The following CDH23 variants were observed in gnomAD, a reference collection of about 807,000 sequenced individuals.
CDH23 encodes the protein cadherin related 23, also known as cadherin-23.
CDH23 carries 189 observed loss-of-function variants against 317.1 expected under a neutral mutation model. The observed-to-expected ratio is 0.60, with a 90% CI of 0.53 to 0.67. The LOEUF (loss-of-function observed/expected upper bound fraction) is 0.67, where lower values mean the gene tolerates loss of function less well. Ranked by LOEUF, CDH23 falls within the 30% of genes least tolerant of loss-of-function variation. The pLI is 0.00. For synonymous variants in CDH23, 1,839 were observed against 1,876.8 expected (o/e 0.98, Z 0.52); for missense variants, 4,401 against 4,592.4 (o/e 0.96, Z 1.20).
At chr10:71,607,644 T>C (rs1025527780) in intron 9 of CDH23, among the ~76,000 whole-genome samples, 1 of 152,234 alleles carries the variant, frequency 6.6e-6, no homozygotes, top group African/African-American at 2.4e-5. Flanking sequence ...GGCTCACGCC[T>C]GTAATCCCAG....
chr10:71,533,760 G>A (rs1278947324), intron 6 of CDH23, among the ~76,000 whole-genome samples: 2 of 152,106 alleles, frequency 1.3e-5, no homozygotes, highest in African/African-American at 4.8e-5. Flanking sequence ...GCTTTTGGGA[G>A]GGGTCTCTGG....
chr10:71,689,197 C>T (rs1056837561), intron 19 of CDH23, among the ~76,000 whole-genome samples: 4,312 of 90,964 alleles, frequency 0.047, 780 homozygotes, highest in African/African-American at 0.083. Flanking sequence ...GGTGGTGGAG[C>T]CAGGGTTGGT....
chr10:71,793,232 G>T lies in CDH23; in HGVS notation c.6304G>T (p.Gly2102Trp), dbSNP rs1018523742. 5 of 1,613,780 alleles carry T rather than the reference G, an allele frequency of 3.1e-6. No homozygotes were observed. The highest frequency in any genetic ancestry group is 4.2e-6 in the Non-Finnish European group (5 of 1,179,838). ...TATDEDSGLN[G>W]ELVYRIEAGA... is the part of the protein sequence containing the mutation. ...CACAGATGAGGACAGTGGCCTCAAT[G>T]GGGAGCTGGTCTACCGAATAGAAGC... The change falls in exon 48 of 70, where the codon GGG (glycine) becomes TGG (tryptophan). Residue 2102 changes from glycine (G) to tryptophan (W), a missense_variant. By Grantham distance (184) the Gly-to-Trp change is radical. Around this residue, in one of 3 missense-constraint regions of CDH23, gnomAD observed 3,068 missense variants for 3,203.3 expected, o/e 0.96. Transcript: ENST00000224721.
chr10:71,739,737 C>A lies in CDH23; in HGVS notation c.4453C>A (p.Leu1485Met). ...TGGCGAAGTGTTTGTGGCCAGGCCC[C>A]TGGACAGAGAAGAGCTGGATCACTA... ...SIGEVFVARP[L>M]DREELDHYIL... Residue 1485 changes from leucine (L) to methionine (M), a missense_variant, in exon 36 of 70, where the codon CTG becomes ATG. Leu to Met is a conservative substitution (Grantham distance 15). Around this residue, in one of 3 missense-constraint regions of CDH23, gnomAD observed 3,068 missense variants for 3,203.3 expected, o/e 0.96. Coordinates refer to ENST00000224721, the MANE Select transcript of CDH23 (RefSeq NM_022124.6). 1 of 1,613,218 alleles carries A rather than the reference C, an allele frequency of 6.2e-7. No homozygotes were observed. Among genetic ancestry groups the A allele is most frequent in the Non-Finnish European group, 8.5e-7 (1 of 1,179,652 alleles).
intron 28 of CDH23, among the ~76,000 whole-genome samples, chr10:71,721,721 C>T (rs766921460): frequency 5.9e-5 from 9 of 152,220 alleles, no homozygotes; most frequent in African/African-American, 1.7e-4. Flanking sequence ...ACAGGCTCCT[C>T]GCTCTGCCTT....
chr10:71,587,518 G>A (rs1859162260), intron 9 of CDH23, among the ~76,000 whole-genome samples: 1 of 152,224 alleles, frequency 6.6e-6, no homozygotes, highest in Non-Finnish European at 1.5e-5. Flanking sequence ...CAAAGAGAGT[G>A]TTTCCCCGCT....
intron 6 of CDH23, among the ~76,000 whole-genome samples, chr10:71,524,458 C>A (rs1009144494): frequency 1.3e-5 from 2 of 152,184 alleles, no homozygotes; most frequent in African/African-American, 2.4e-5. Flanking sequence ...CTGAGTCTGG[C>A]CTCGTCAGTC....
chr10:71,789,721 A>G (rs1192764548), intron 45 of CDH23, among the ~76,000 whole-genome samples: 1 of 152,216 alleles, frequency 6.6e-6, no homozygotes, highest in Admixed American at 6.5e-5. Flanking sequence ...GCACAGACAC[A>G]TATAGGTACA....
chr10:71,550,559 C>CAAAAAAAA (rs1222399834), intron 6 of CDH23, among the ~76,000 whole-genome samples: 3 of 45,562 alleles, frequency 6.6e-5, no homozygotes, highest in South Asian at 9.4e-4. Context: ...GACCCTGTCT[C>CAAAAAAAA]AAAAAAAAAA....
At chr10:71,650,229 A>G (rs1288680720) in intron 14 of CDH23, among the ~76,000 whole-genome samples, 1 of 151,966 alleles carries the variant, frequency 6.6e-6, no homozygotes, top group Non-Finnish European at 1.5e-5. Flanking sequence ...GAGCTGTGTG[A>G]GTGTTTTCAC....
At chr10:71,651,692 T>C (rs1423253762) in intron 14 of CDH23, among the ~76,000 whole-genome samples, 2 of 152,216 alleles carry the variant, frequency 1.3e-5, no homozygotes, top group Non-Finnish European at 2.9e-5. Context: ...GTTTCTCTTC[T>C]TCCCAAATTG....
rs774288557 is a variant in CDH23, at chr10:71,799,101, T to C, written c.7055-10T>C. On this transcript the variant is annotated splice_polypyrimidine_tract_variant and intron_variant, in intron 50 of 69. Coordinates refer to ENST00000224721, the MANE Select transcript of CDH23 (RefSeq NM_022124.6). The stretch of plus-strand genomic sequence containing the variant: ...TGGCCAAAATGGCAGTGGGAGCCTC[T>C]GTGTCTTAGGGAAGGTCATTGCCAA... The C allele has an allele frequency of 1.9e-6, 3 of 1,607,262 alleles. No homozygotes were observed. The highest frequency in any genetic ancestry group is 2.7e-5 in the African/African-American group (2 of 74,792).
In CDH23 at chr10:71,519,038, TTGTTTTAATGGTAATAA is replaced by T. The variant is rs796539916; in HGVS notation, c.429+7831_429+7847del. Reference sequence around the variant, plus strand: ...AGGGAGCCCCCCTGTAATTATTATTTTGTTTTAATGGTAATAATGTTCTTAATTACATCAGTTTCCTC... The same window carrying T: ...AGGGAGCCCCCCTGTAATTATTATTTTGTTCTTAATTACATCAGTTTCCTC... On this transcript the variant is annotated intron_variant, in intron 6 of 69. Transcript: ENST00000224721. 1.5e-4 allele frequency among the ~76,000 whole-genome samples: 23 copies of T among 152,290 alleles called. 1 individual carries two copies. The highest frequency in any genetic ancestry group is 4.8e-4 in the African/African-American group (20 of 41,558).
intron 3 of CDH23, among the ~76,000 whole-genome samples, chr10:71,486,769 C>T (rs1301269042): frequency 6.6e-6 from 1 of 152,158 alleles, no homozygotes; most frequent in African/African-American, 2.4e-5. Flanking sequence ...TCTCTAGAGA[C>T]AGACTGAGCT....
chr10:71,644,118 C>T (rs563953230), intron 12 of CDH23, among the ~76,000 whole-genome samples: 4 of 152,356 alleles, frequency 2.6e-5, no homozygotes, highest in Admixed American at 6.5e-5. Context: ...TGTGACGGGA[C>T]GCATTCCACA....
intron 28 of CDH23, among the ~76,000 whole-genome samples, chr10:71,720,834 G>A (rs374673115): frequency 4.6e-5 from 7 of 152,226 alleles, no homozygotes; most frequent in Middle Eastern, 3.2e-3. Flanking sequence ...CCAGAGAGGT[G>A]TGACCTGCCC....
At position 71,443,266 on chromosome 10, in the gene CDH23, C is replaced by T. The variant is rs570968177; in HGVS notation, c.68-3052C>T. On this transcript the variant is annotated intron_variant, in intron 2 of 69. Coordinates refer to ENST00000224721, the MANE Select transcript of CDH23 (RefSeq NM_022124.6). ...CATGCCCTCAGAGGAACCCCCACCC[C>T]GCAATTCAGGGTGAAGTTTATGCTT... Among the ~76,000 whole-genome samples, 8 of 152,330 alleles carry T rather than the reference C, an allele frequency of 5.3e-5. No individual in the cohort carries two copies. The South Asian group carries it at 8.3e-4, about 16-fold the overall frequency.
chr10:71,488,056 C>G (rs1852448187), intron 3 of CDH23, among the ~76,000 whole-genome samples: 1 of 152,240 alleles, frequency 6.6e-6, no homozygotes, highest in South Asian at 2.1e-4. Context: ...CTGGGAACCT[C>G]AGCTATTGTC....
intron 3 of CDH23, among the ~76,000 whole-genome samples, chr10:71,503,592 C>A (rs530623384): frequency 6.6e-6 from 1 of 152,268 alleles, no homozygotes; most frequent in South Asian, 2.1e-4. Flanking sequence ...ATAGGCAGGT[C>A]AGGCTGAATG....
Sources: allele counts gnomAD v4.1 joint callset (sites outside exome capture counted in the v4.1 genomes callset), GRCh38; gene constraint gnomAD v4.1.1; regional missense constraint gnomAD v4.1.1; transcripts MANE v1.5; gene names NCBI Gene and HGNC (gene_info 2026-07-23, HGNC 2026-07-21).